FLACC1: variants seen among roughly 807,000 people sequenced by gnomAD.
FLACC1 encodes flagellum-associated coiled-coil domain-containing protein 1.
FLACC1 carries 66 observed loss-of-function variants against 62.8 expected under a neutral mutation model. That is an observed-to-expected ratio of 1.05 (90% CI 0.86 to 1.29). The LOEUF is 1.29. FLACC1 is among the 50% of genes most tolerant of loss of function. The probability of loss-of-function intolerance (pLI) is 0.00; values close to 1 mark genes in which losing one functional copy is unlikely to be tolerated. For synonymous variants in FLACC1, 156 were observed against 161.0 expected (o/e 0.97, Z 0.24); for missense variants, 452 against 489.1 (o/e 0.92, Z 0.71).
chr2:201,352,395 T>C (rs967503674), intron 1 of FLACC1, among the ~76,000 whole-genome samples: 2 of 152,200 alleles, frequency 1.3e-5, no homozygotes, highest in Non-Finnish European at 2.9e-5. Context: ...CAGATAAACA[T>C]GGTGGCTTGA....
intron 11 of FLACC1, among the ~76,000 whole-genome samples, chr2:201,302,383 A>G (rs13386989): frequency 0.057 from 8,668 of 152,278 alleles, 695 homozygotes; most frequent in African/African-American, 0.17. Context: ...AGAGCTAACT[A>G]TCCTAAATAC....
intron 11 of FLACC1, among the ~76,000 whole-genome samples, chr2:201,303,573 A>G (rs1950035617): frequency 6.6e-6 from 1 of 152,228 alleles, no homozygotes; most frequent in South Asian, 2.1e-4. Context: ...TCCCTAACTC[A>G]TTTTATGAGG....
At chr2:201,354,303 G>A (rs1011251882) in intron 1 of FLACC1, among the ~76,000 whole-genome samples, 10 of 152,214 alleles carry the variant, frequency 6.6e-5, no homozygotes, top group Non-Finnish European at 1.3e-4. Context: ...AGTCAGCAGA[G>A]GAGTCGGCAG....
intron 9 of FLACC1, among the ~76,000 whole-genome samples, chr2:201,316,972 G>A (rs904457841): frequency 1.2e-4 from 19 of 152,136 alleles, no homozygotes; most frequent in Admixed American, 9.2e-4. Context: ...CAATAGATGC[G>A]GAAAAAGCAT....
Position 201,289,560 on chromosome 2 carries a change from T to G in FLACC1, c.1039A>C (p.Ile347Leu). 1 of 1,614,162 alleles carries G rather than the reference T, an allele frequency of 6.2e-7. No homozygotes were observed. ...AGCATTTTCTCCAGATTTCCCACTA[T>G]AGCTTTCTGAAAGACATACATTTTA... ...TQLELQKEKA[I>L]VGNLEKMLQT... Residue 347 changes from isoleucine to leucine, a missense_variant, in exon 14 of 15, where the codon ATA becomes CTA. Coordinates refer to ENST00000392257, the MANE Select transcript of FLACC1 (RefSeq NM_001127391.3).
At chr2:201,323,369 AACCT>A (rs1950440275) in intron 9 of FLACC1, among the ~76,000 whole-genome samples, 1 of 152,212 alleles carries the variant, frequency 6.6e-6, no homozygotes, top group African/African-American at 2.4e-5. Flanking sequence ...TATAAAGGAA[AACCT>A]ATCTGAATAA....
chr2:201,302,064 G>C (rs887774351), intron 11 of FLACC1, among the ~76,000 whole-genome samples: 9 of 152,090 alleles, frequency 5.9e-5, no homozygotes, highest in Non-Finnish European at 1.3e-4. Context: ...ATATCGAGAG[G>C]ATCAAATTCA....
chr2:201,346,392 A>G lies in FLACC1; in HGVS notation c.368+150T>C. ...GTGGAGAGATGCATCATCAGGAAGCAGGGGCGAGGAGGGAGGTGCCCTTGC... is the reference window on the plus strand; with the variant it reads ...GTGGAGAGATGCATCATCAGGAAGCGGGGGCGAGGAGGGAGGTGCCCTTGC... On this transcript the variant is annotated intron_variant, in intron 5 of 14. Transcript: ENST00000392257. The surrounding 1 kb of genome is among the most constrained non-coding windows in gnomAD (Gnocchi z 4.0). 1 of 1,045,344 alleles carries G rather than the reference A, an allele frequency of 9.6e-7. No individual in the cohort carries two copies. Among genetic ancestry groups the G allele is most frequent in the Non-Finnish European group, 1.4e-6 (1 of 725,322 alleles). 64.8% of individuals were successfully genotyped at this position (1,045,344 alleles called of 1,614,324 possible).
chr2:201,302,838 C>A (rs1396683202), intron 11 of FLACC1, among the ~76,000 whole-genome samples: 1 of 152,046 alleles, frequency 6.6e-6, no homozygotes, highest in Non-Finnish European at 1.5e-5. Flanking sequence ...CTACTGGGTA[C>A]ATAACAAAAT....
At position 201,351,451 on chromosome 2, in the gene FLACC1, G is replaced by T; in HGVS notation, c.-47C>A. ...TTGGCTGCTAGATCAGGAGGCTCTT[G>T]CTGAAATTGAAAAACAACAGCAGAA... On this transcript the variant is annotated splice_region_variant and 5_prime_UTR_variant, in exon 2 of 15. Coordinates refer to ENST00000392257, the MANE Select transcript of FLACC1 (RefSeq NM_001127391.3). 1 of 1,422,276 alleles carries T rather than the reference G, an allele frequency of 7.0e-7. No homozygotes were observed. Among genetic ancestry groups the T allele is most frequent in the Non-Finnish European group, 9.9e-7 (1 of 1,013,144 alleles). The allele number at this position is 1,422,276 out of a possible 1,614,324, so 88.1% of individuals were successfully genotyped here. A position where few individuals can be genotyped will look rare whatever the true frequency, so the allele number is the denominator to read the frequency against.
chr2:201,319,779 T>C (rs1287037740), intron 9 of FLACC1, among the ~76,000 whole-genome samples: 3 of 152,248 alleles, frequency 2.0e-5, no homozygotes, highest in Non-Finnish European at 4.4e-5. Context: ...ATTGCTAGCA[T>C]ACTTCTCCCA....
chr2:201,360,351 T>C (rs980812971), upstream of FLACC1, among the ~76,000 whole-genome samples: 3 of 152,188 alleles, frequency 2.0e-5, no homozygotes, highest in Non-Finnish European at 4.4e-5. Flanking sequence ...AGCAATATTA[T>C]CAAAATTGGT....
chr2:201,310,467 G>A (rs1406794406), intron 9 of FLACC1, among the ~76,000 whole-genome samples: 1 of 152,098 alleles, frequency 6.6e-6, no homozygotes, highest in Non-Finnish European at 1.5e-5. Flanking sequence ...GAACTAGTTG[G>A]TCACTATACT....
chr2:201,314,737 G>C (rs182328500), intron 9 of FLACC1, among the ~76,000 whole-genome samples: 2 of 152,254 alleles, frequency 1.3e-5, no homozygotes, highest in East Asian at 3.9e-4. Flanking sequence ...ATTGTCATCA[G>C]GTTATCTAAA....
intron 12 of FLACC1, among the ~76,000 whole-genome samples, chr2:201,291,982 A>T (rs1949747148): frequency 6.6e-6 from 1 of 152,210 alleles, no homozygotes; most frequent in Non-Finnish European, 1.5e-5. Context: ...GAAAAAAAAG[A>T]ATAAGAAGAA....
chr2:201,298,437 G>A (rs1949910343), intron 12 of FLACC1, among the ~76,000 whole-genome samples: 1 of 152,008 alleles, frequency 6.6e-6, no homozygotes, highest in Admixed American at 6.6e-5. Flanking sequence ...TGCAAACAAG[G>A]AAATATGACC....
intron 1 of FLACC1, among the ~76,000 whole-genome samples, chr2:201,353,630 C>G (rs528627014): frequency 1.1e-4 from 16 of 152,236 alleles, no homozygotes; most frequent in Non-Finnish European, 1.5e-4. Context: ...CTCTGTCACC[C>G]AGGCTGGAGT....
chr2:201,310,919 A>C (rs914758364), intron 9 of FLACC1, among the ~76,000 whole-genome samples: 3 of 152,170 alleles, frequency 2.0e-5, no homozygotes, highest in African/African-American at 7.2e-5. Context: ...GAAAAAAACG[A>C]CGATCCAAAT....
At chr2:201,348,046 T>C in intron 4 of FLACC1, 1 of 464,794 alleles carries the variant, frequency 2.2e-6, no homozygotes, top group Admixed American at 4.0e-5. Context: ...GGCAATTAAA[T>C]GCCCACTCTG....
Sources: allele counts gnomAD v4.1 joint callset (sites outside exome capture counted in the v4.1 genomes callset), GRCh38; gene constraint gnomAD v4.1.1; non-coding constraint Gnocchi (gnomAD v3.1); transcripts MANE v1.5; gene names NCBI Gene and HGNC (gene_info 2026-07-23, HGNC 2026-07-21).